The following PRRT3 variants were observed in gnomAD, a reference collection of about 807,000 sequenced individuals.
PRRT3 encodes the protein proline-rich transmembrane protein 3.
Under a neutral mutation model 56.6 loss-of-function variants are expected in PRRT3, and 48 were observed. That is an observed-to-expected ratio of 0.85 (90% CI 0.67 to 1.08). The LOEUF (loss-of-function observed/expected upper bound fraction) is 1.08. Among genes scored for constraint, PRRT3 ranks in the 50% least tolerant of loss-of-function variants. The pLI, the probability that PRRT3 is intolerant of heterozygous loss-of-function variation, is 0.00. For missense variants in PRRT3, 1,370 were observed against 1,353.1 expected (o/e 1.01, Z -0.20); for synonymous variants, 641 against 619.1 (o/e 1.04, Z -0.52).
Position 9,946,373 on chromosome 3 carries a change from A to G in PRRT3, c.2800T>C (p.Leu934=). The stretch of plus-strand genomic sequence containing the variant: ...GGCAGTAGCTGTACCGTGCTGGGCA[A>G]CTCATCTAGGGGCAGACTGTCCACT... ...SSVDSLPLDE[L]PSTVQLLPAP... is the part of the protein sequence containing the mutation. Residue 934 remains leucine (L), a synonymous_variant, in exon 4 of 4, where the codon TTG becomes CTG. Transcript: ENST00000412055. The surrounding 1 kb of genome is among the most constrained non-coding windows in gnomAD (Gnocchi z 4.1). 1 of 1,608,614 alleles carries G rather than the reference A, an allele frequency of 6.2e-7. No individual in the cohort carries two copies. The highest frequency in any genetic ancestry group is 1.1e-5 in the South Asian group (1 of 90,612).
rs1489568525 is a variant in PRRT3, at chr3:9,946,299, G to A, written c.2874C>T (p.Gly958=). Residue 958 remains glycine (G), a synonymous_variant, in exon 4 of 4, where the codon GGC becomes GGT. Coordinates refer to ENST00000412055, the MANE Select transcript of PRRT3 (RefSeq NM_207351.5). This position sits in a 1 kb window ranked among gnomAD's most constrained non-coding sequence, Gnocchi z 4.1. The part of the protein sequence containing the change: ...PDSTAARQGD[G]QGEVQPRGKP... ...TGCCGCGCGGCTGGACCTCTCCCTG[G>A]CCGTCCCCCTGCCGAGCGGCGGTAG... The A allele has an allele frequency of 6.2e-7, 1 of 1,612,530 alleles. No homozygotes were observed. The highest frequency in any genetic ancestry group is 8.5e-7 in the Non-Finnish European group (1 of 1,179,834).
Position 9,947,877 on chromosome 3 carries a change from G to A in PRRT3, c.1296C>T (p.Pro432=), listed in dbSNP as rs778527937. ...TGGAGCTGGCGGTGGGCTCCGGAGGGGGAGGCTGGCCCAGGGCTCGCTGCG... is the reference window on the plus strand; with the variant it reads ...TGGAGCTGGCGGTGGGCTCCGGAGGAGGAGGCTGGCCCAGGGCTCGCTGCG... ...VTTQRALGQP[P]PPEPTASSMA... Residue 432 remains proline, a synonymous_variant, in exon 4 of 4, where the codon CCC becomes CCT. Transcript: ENST00000412055. The surrounding 1 kb of genome is among the most constrained non-coding windows in gnomAD (Gnocchi z 9.2). 5.6e-6 allele frequency: 8 copies of A among 1,428,400 alleles called. No homozygotes were observed. Among genetic ancestry groups the A allele is most frequent in the East Asian group, 2.7e-5 (1 of 36,954 alleles). The allele number at this position is 1,428,400 out of a possible 1,614,324, so 88.5% of individuals were successfully genotyped here. A position where few individuals can be genotyped will look rare whatever the true frequency, so the allele number is the denominator to read the frequency against.
Position 9,946,496 on chromosome 3 carries a change from C to T in PRRT3, c.2677G>A (p.Asp893Asn), listed in dbSNP as rs1030601198. 3.9e-6 allele frequency: 6 copies of T among 1,539,720 alleles called. No individual in the cohort carries two copies. Among genetic ancestry groups the T allele is most frequent in the East Asian group, 2.5e-5 (1 of 40,098 alleles). The change falls in exon 4 of 4, where the codon GAC becomes AAC. Residue 893 changes from aspartate to asparagine, a missense_variant. Asp to Asn is a conservative substitution (Grantham distance 23, BLOSUM62 1). Transcript: ENST00000412055. The surrounding 1 kb of genome is among the most constrained non-coding windows in gnomAD (Gnocchi z 4.1). The part of the protein sequence containing the change: ...PVPQHVVEAP[D>N]GAAAAASGSS... ...CCAGAAGCCGCAGCGGCTGCCCCGT[C>T]GGGTGCTTCCACTACGTGCTGTGGG...
chr3:9,950,148 A>G lies in PRRT3; in HGVS notation c.-33T>C. 7.2e-7 allele frequency: 1 copy of G among 1,390,070 alleles called. No homozygotes were observed. The highest frequency in any genetic ancestry group is 2.8e-5 in the Admixed American group (1 of 35,910). The allele number at this position is 1,390,070 out of a possible 1,614,324, so 86.1% of individuals were successfully genotyped here. A position where few individuals can be genotyped will look rare whatever the true frequency, so the allele number is the denominator to read the frequency against. On this transcript the variant is annotated 5_prime_UTR_variant, in exon 2 of 4. Transcript: ENST00000412055. The stretch of plus-strand genomic sequence containing the variant: ...TCCGATGCCTGGGCCTAAAGCCCCC[A>G]CCTTCCAGTCCTCACTGGATGAGCC...
rs373900972 is a variant in PRRT3 at position 9,946,484 on chromosome 3, C to T, written c.2689G>A (p.Ala897Thr). 2.5e-5 allele frequency: 38 copies of T among 1,550,450 alleles called. No homozygotes were observed. In the Admixed American group the frequency reaches 4.5e-4, roughly 18 times the overall value. The stretch of plus-strand genomic sequence containing the variant: ...TCGAGGGAGCTGCCAGAAGCCGCAG[C>T]GGCTGCCCCGTCGGGTGCTTCCACT... ...HVVEAPDGAA[A>T]AASGSSLDSF... The change falls in exon 4 of 4, where the codon GCT becomes ACT. Residue 897 changes from alanine to threonine, a missense_variant. By Grantham distance (58) the Ala-to-Thr change is moderately conservative. Coordinates refer to ENST00000412055, the MANE Select transcript of PRRT3 (RefSeq NM_207351.5). This position sits in a 1 kb window ranked among gnomAD's most constrained non-coding sequence, Gnocchi z 4.1.
intron 3 of PRRT3, 42 bp from the exon 4 acceptor site, chr3:9,948,043 T>G (rs1371193095): frequency 9.3e-6 from 12 of 1,291,972 alleles, no homozygotes; most frequent in Non-Finnish European, 1.2e-5. Context: ...TGAAAAGTGC[T>G]TTTGATTTTG....
rs778250912 is a variant in PRRT3 at position 9,946,112 on chromosome 3, T to C, written c.*115A>G. Reference sequence around the variant, plus strand: ...CGGCCTCCCAAAGTGCTGGGATTCCTGGCGTGAGCCACCGCGCCTGGCCAG... The same window carrying C: ...CGGCCTCCCAAAGTGCTGGGATTCCCGGCGTGAGCCACCGCGCCTGGCCAG... On this transcript the variant is annotated 3_prime_UTR_variant, in exon 4 of 4. Coordinates refer to ENST00000412055, the MANE Select transcript of PRRT3 (RefSeq NM_207351.5). This position sits in a 1 kb window ranked among gnomAD's most constrained non-coding sequence, Gnocchi z 4.1. The C allele has an allele frequency of 1.9e-4, 271 of 1,428,774 alleles. No individual in the cohort carries two copies. Among genetic ancestry groups the C allele is most frequent in the Non-Finnish European group, 2.4e-4 (264 of 1,085,284 alleles). 88.5% of individuals were successfully genotyped at this position (1,428,774 alleles called of 1,614,324 possible). A position where few individuals can be genotyped will look rare whatever the true frequency, so the allele number is the denominator to read the frequency against.
chr3:9,948,949 C>G, intron 2 of PRRT3, 36 bp from the exon 3 acceptor site: 1 of 1,534,798 alleles, frequency 6.5e-7, no homozygotes, highest in Non-Finnish European at 8.8e-7. Context: ...TTACCTGACC[C>G]TCCTATGGTC....
chr3:9,949,136 G>C lies in PRRT3; in HGVS notation c.980C>G (p.Pro327Arg), dbSNP rs1424759031. 4 of 1,611,312 alleles carry C rather than the reference G, an allele frequency of 2.5e-6. No homozygotes were observed. The highest frequency in any genetic ancestry group is 3.4e-6 in the Non-Finnish European group (4 of 1,179,178). The part of the protein sequence containing the change: ...DSPGPQPTDP[P>R]ASEAPDRPSK... Reference sequence around the variant, plus strand: ...CGGCCGATCAGGAGCCTCTGAGGCGGGTGGATCCGTGGGCTGGGGTCCTGG... The same window carrying C: ...CGGCCGATCAGGAGCCTCTGAGGCGCGTGGATCCGTGGGCTGGGGTCCTGG... The change falls in exon 2 of 4, where the codon CCC becomes CGC. Residue 327 changes from proline to arginine, a missense_variant. Coordinates refer to ENST00000412055, the MANE Select transcript of PRRT3 (RefSeq NM_207351.5). The surrounding 1 kb of genome is among the most constrained non-coding windows in gnomAD (Gnocchi z 4.5).
chr3:9,947,040 G>T lies in PRRT3; in HGVS notation c.2133C>A (p.Cys711Ter). 6.5e-7 allele frequency: 1 copy of T among 1,536,734 alleles called. No homozygotes were observed. Among genetic ancestry groups the T allele is most frequent in the Non-Finnish European group, 8.7e-7 (1 of 1,146,058 alleles). ...ARPRPPTEHA[C>*]WAKLMRLACP... ...ACGCCAGACGCATCAGCTTAGCCCA[G>T]CAAGCGTGCTCCGTGGGCGGCCTGG... The change falls in exon 4 of 4, where the codon TGC becomes TGA. Residue 711 changes from cysteine (C) to a stop codon, truncating the protein, a stop_gained. Transcript: ENST00000412055. LOFTEE classifies it high-confidence loss of function. This position sits in a 1 kb window ranked among gnomAD's most constrained non-coding sequence, Gnocchi z 9.2.
Position 9,947,136 on chromosome 3 carries a change from G to A in PRRT3, c.2037C>T (p.His679=), listed in dbSNP as rs1410916124. The change falls in exon 4 of 4, where the codon CAC becomes CAT. Residue 679 remains histidine (H), a synonymous_variant. Transcript: ENST00000412055. This position sits in a 1 kb window ranked among gnomAD's most constrained non-coding sequence, Gnocchi z 9.2. ...TCAGCTCCAGGAGGCGCAGCCAGAA[G>A]TGGACACCCCACCAGGCCCACGAGA... ...GRFSWAWWGV[H]FWLRLLELTW... 1 of 1,538,888 alleles carries A rather than the reference G, an allele frequency of 6.5e-7. No individual in the cohort carries two copies. Among genetic ancestry groups the A allele is most frequent in the Non-Finnish European group, 8.7e-7 (1 of 1,148,036 alleles).
At position 9,948,014 on chromosome 3, in the gene PRRT3, CAATATT is replaced by C; in HGVS notation, c.1172-19_1172-14del. On this transcript the variant is annotated splice_polypyrimidine_tract_variant and intron_variant, in intron 3 of 3. Coordinates refer to ENST00000412055, the MANE Select transcript of PRRT3 (RefSeq NM_207351.5). ...TCCTCGGCTTCATCTGCAATTATAA[CAATATT>C]AAAATAGCCATTTGAAAAGTGCTTT... The C allele has an allele frequency of 7.6e-7, 1 of 1,314,516 alleles. No homozygotes were observed. The highest frequency in any genetic ancestry group is 2.6e-5 in the South Asian group (1 of 38,026). The allele number at this position is 1,314,516 out of a possible 1,614,324, so 81.4% of individuals were successfully genotyped here.
At chr3:9,948,511 TG>T in intron 3 of PRRT3, 1 of 513,176 alleles carries the variant, frequency 1.9e-6, no homozygotes, top group Non-Finnish European at 3.4e-6. Context: ...ATATTTTTTT[TG>T]TTCTAAACAT....
chr3:9,949,063 G>A lies in PRRT3; in HGVS notation c.1015+38C>T, dbSNP rs2085575669. The A allele has an allele frequency of 6.5e-7, 1 of 1,544,046 alleles. No individual in the cohort carries two copies. Among genetic ancestry groups the A allele is most frequent in the Non-Finnish European group, 8.7e-7 (1 of 1,151,794 alleles). Reference sequence around the variant, plus strand: ...TCAAACAGAATTGAGGCATCCAGCTGCCCCAGAACATCGCTCAGCACACTC... The same window carrying A: ...TCAAACAGAATTGAGGCATCCAGCTACCCCAGAACATCGCTCAGCACACTC... On this transcript the variant is annotated intron_variant, in intron 2 of 3. Transcript: ENST00000412055. This position sits in a 1 kb window ranked among gnomAD's most constrained non-coding sequence, Gnocchi z 4.5.
chr3:9,946,192 CGG>C lies in PRRT3; in HGVS notation c.*33_*34del. ...CCAGTAGGCCATGCCATGTGGGCAT[CGG>C]GCAGGGTCCTGGCCCTGCGTCAGGA... On this transcript the variant is annotated 3_prime_UTR_variant, in exon 4 of 4. Transcript: ENST00000412055. The surrounding 1 kb of genome is among the most constrained non-coding windows in gnomAD (Gnocchi z 4.1). 6.3e-7 allele frequency: 1 copy of C among 1,586,856 alleles called. No individual in the cohort carries two copies. Among genetic ancestry groups the C allele is most frequent in the Non-Finnish European group, 8.6e-7 (1 of 1,165,896 alleles).
At position 9,947,559 on chromosome 3, in the gene PRRT3, C is replaced by T. The variant is rs1391062618; in HGVS notation, c.1614G>A (p.Leu538=). ...SQARLGVRGG[L]VLYNLPFPLL... The stretch of plus-strand genomic sequence containing the variant: ...AGGGGAAGGGCAGGTTGTAGAGCAC[C>T]AGGCCCCCGCGAACGCCCAGCCGCG... The change falls in exon 4 of 4, where the codon CTG becomes CTA. Residue 538 remains leucine (L), a synonymous_variant. Coordinates refer to ENST00000412055, the MANE Select transcript of PRRT3 (RefSeq NM_207351.5). This position sits in a 1 kb window ranked among gnomAD's most constrained non-coding sequence, Gnocchi z 9.2. 2 of 1,607,718 alleles carry T rather than the reference C, an allele frequency of 1.2e-6. No homozygotes were observed. Among genetic ancestry groups the T allele is most frequent in the Admixed American group, 1.7e-5 (1 of 59,416 alleles).
Position 9,949,206 on chromosome 3 carries a change from C to T in PRRT3, c.910G>A (p.Gly304Ser), listed in dbSNP as rs751694986. 1.2e-5 allele frequency: 20 copies of T among 1,608,664 alleles called. 1 individual carries two copies. The Admixed American group carries it at 2.9e-4, about 23-fold the overall frequency. ...AGGTCAGCCTGCTTGGGCGGGGGAC[C>T]TGGGGAGCTGACTTCCCAGGACACC... ...AEVSWEVSSP[G>S]PPPKQADLPD... Residue 304 changes from glycine (G) to serine (S), a missense_variant, in exon 2 of 4, where the codon GGT becomes AGT. By Grantham distance (56) the Gly-to-Ser change is moderately conservative (BLOSUM62 0). Coordinates refer to ENST00000412055, the MANE Select transcript of PRRT3 (RefSeq NM_207351.5). The surrounding 1 kb of genome is among the most constrained non-coding windows in gnomAD (Gnocchi z 4.5).
chr3:9,949,626 T>C lies in PRRT3; in HGVS notation c.490A>G (p.Arg164Gly). 1.9e-6 allele frequency: 3 copies of C among 1,614,110 alleles called. No homozygotes were observed. Among genetic ancestry groups the C allele is most frequent in the South Asian group, 1.1e-5 (1 of 91,074 alleles). Residue 164 changes from arginine (R) to glycine (G), a missense_variant, in exon 2 of 4, where the codon AGG becomes GGG. Arg to Gly is a moderately radical substitution (Grantham distance 125). Transcript: ENST00000412055. This position sits in a 1 kb window ranked among gnomAD's most constrained non-coding sequence, Gnocchi z 4.5. ...FIPTTPRRQL[R>G]VATVPPSLQH... ...AGGGAGGGAGGAACTGTGGCTACCC[T>C]GAGTTGACGTCTGGGAGTTGTGGGG...
rs1161714796 is a variant in PRRT3, at chr3:9,949,406, G to C, written c.710C>G (p.Ala237Gly). 3 of 1,614,164 alleles carry C rather than the reference G, an allele frequency of 1.9e-6. No homozygotes were observed. Among genetic ancestry groups the C allele is most frequent in the Non-Finnish European group, 1.7e-6 (2 of 1,180,024 alleles). The change falls in exon 2 of 4, where the codon GCT becomes GGT. Residue 237 changes from alanine to glycine, a missense_variant. Physicochemically the swap from Ala to Gly is moderately conservative, Grantham distance 60. Transcript: ENST00000412055. The surrounding 1 kb of genome is among the most constrained non-coding windows in gnomAD (Gnocchi z 4.5). ...GGFEEHLQEA[A>G]QGPHFTQQDP... The stretch of plus-strand genomic sequence containing the variant: ...CTGCTGGGTGAAGTGGGGACCTTGA[G>C]CTGCCTCCTGCAAGTGTTCCTCAAA...
Sources: allele counts gnomAD v4.1 joint callset, GRCh38; gene constraint gnomAD v4.1.1; non-coding constraint Gnocchi (gnomAD v3.1); transcripts MANE v1.5; gene names NCBI Gene and HGNC (gene_info 2026-07-23, HGNC 2026-07-21).